IL20RB: variants seen among roughly 807,000 people sequenced by gnomAD.
IL20RB encodes interleukin 20 receptor subunit beta, also known as interleukin-20 receptor subunit beta.
IL20RB carries 21 observed loss-of-function variants against 33.3 expected under a neutral mutation model. The observed-to-expected ratio is 0.63, with a 90% CI of 0.45 to 0.91. IL20RB has a LOEUF of 0.91. IL20RB is among the 40% of genes least tolerant of loss of function. The pLI is 0.00. For missense variants in IL20RB, 345 were observed against 384.8 expected (o/e 0.90, Z 0.86); for synonymous variants, 147 against 146.8 (o/e 1.00, Z -0.01).
intron 1 of IL20RB, among the ~76,000 whole-genome samples, chr3:136,966,126 A>G (rs1393886869): frequency 1.4e-5 from 2 of 141,344 alleles, no homozygotes; most frequent in South Asian, 2.2e-4. Flanking sequence ...TTTTGCATCA[A>G]TGTTCATCAA....
intron 1 of IL20RB, among the ~76,000 whole-genome samples, chr3:136,971,251 C>A (rs796737373): frequency 2.8e-4 from 43 of 152,286 alleles, no homozygotes; most frequent in African/African-American, 9.6e-4. Flanking sequence ...CCGCCTCAGC[C>A]TCCCAAGTAG....
At chr3:136,992,842 C>T (rs370349198) in intron 5 of IL20RB, among the ~76,000 whole-genome samples, 1 of 152,136 alleles carries the variant, frequency 6.6e-6, no homozygotes, top group African/African-American at 2.4e-5. Context: ...GCTGAGATTA[C>T]AGGTGTGAGC....
intron 1 of IL20RB, among the ~76,000 whole-genome samples, chr3:136,962,480 G>A (rs191362240): frequency 1.5e-4 from 23 of 152,280 alleles, no homozygotes; most frequent in African/African-American, 5.5e-4. Context: ...TCGGCCAGGC[G>A]TGGTGGCTCA....
At chr3:136,995,377 G>C in intron 5 of IL20RB, 37 bp from the exon 6 acceptor site, 1 of 1,610,004 alleles carries the variant, frequency 6.2e-7, no homozygotes. Context: ...AATCTTTGCT[G>C]CTGTTTTCTA....
At chr3:136,982,053 T>C in intron 2 of IL20RB, 107 bp from the exon 3 acceptor site, 1 of 703,642 alleles carries the variant, frequency 1.4e-6, no homozygotes, top group Non-Finnish European at 2.3e-6. Flanking sequence ...AAAGTACTTA[T>C]TTTACTTACC....
chr3:136,973,431 C>G (rs966727792), intron 1 of IL20RB, among the ~76,000 whole-genome samples: 1 of 151,462 alleles, frequency 6.6e-6, no homozygotes, highest in Admixed American at 6.6e-5. Flanking sequence ...GCGGAGGTTG[C>G]AGTGAATCTC....
intron 4 of IL20RB, among the ~76,000 whole-genome samples, chr3:136,991,038 A>C (rs931364836): frequency 6.6e-6 from 1 of 152,204 alleles, no homozygotes; most frequent in Non-Finnish European, 1.5e-5. Flanking sequence ...GGCTTGGTCC[A>C]GGCAAGCCTC....
At chr3:136,960,545 A>G (rs891456864) in intron 1 of IL20RB, among the ~76,000 whole-genome samples, 1 of 152,228 alleles carries the variant, frequency 6.6e-6, no homozygotes, top group African/African-American at 2.4e-5. Context: ...TAATAATCAC[A>G]ATGACAATCA....
chr3:136,976,709 C>G (rs1440446075), intron 1 of IL20RB, among the ~76,000 whole-genome samples: 1 of 152,214 alleles, frequency 6.6e-6, no homozygotes, highest in Non-Finnish European at 1.5e-5. Flanking sequence ...CTGAGTTTCC[C>G]TAATGCTTCA....
intron 6 of IL20RB, among the ~76,000 whole-genome samples, chr3:136,999,862 G>A (rs1942206407): frequency 6.6e-6 from 1 of 151,888 alleles, no homozygotes; most frequent in South Asian, 2.1e-4. Context: ...AATATTCTCT[G>A]CTGAGATTTT....
chr3:136,960,521 T>C (rs1307309902), intron 1 of IL20RB, among the ~76,000 whole-genome samples: 1 of 152,214 alleles, frequency 6.6e-6, no homozygotes, highest in African/African-American at 2.4e-5. Context: ...GAAAGCTGAT[T>C]ATGCTACCAA....
chr3:137,004,232 G>T (rs1158081433), intron 6 of IL20RB, among the ~76,000 whole-genome samples: 1 of 152,008 alleles, frequency 6.6e-6, no homozygotes, highest in African/African-American at 2.4e-5. Flanking sequence ...TCTTTTTTGT[G>T]TGTATGTCTC....
At chr3:136,980,430 C>A (rs1941741527) in intron 1 of IL20RB, 36 bp from the exon 2 acceptor site, 1 of 1,613,898 alleles carries the variant, frequency 6.2e-7, no homozygotes. Context: ...CCACTATGAG[C>A]CCACCTGTCA....
At chr3:136,974,880 G>A (rs552070604) in intron 1 of IL20RB, among the ~76,000 whole-genome samples, 1 of 152,202 alleles carries the variant, frequency 6.6e-6, no homozygotes, top group South Asian at 2.1e-4. Flanking sequence ...TCTCCTGCTC[G>A]ATCTAGTCTA....
In IL20RB at chr3:137,002,386, C is replaced by T. The variant is rs1942263661; in HGVS notation, c.825+6830C>T. ...CAATGGTTGAACTAATTTACACTCC[C>T]ACCAACAGTGTAAAAGTGTTCCTAT... On this transcript the variant is annotated intron_variant, in intron 6 of 6. Coordinates refer to ENST00000329582, the MANE Select transcript of IL20RB (RefSeq NM_144717.4). 2.0e-5 allele frequency among the ~76,000 whole-genome samples: 3 copies of T among 152,176 alleles called. No homozygotes were observed. The South Asian group carries it at 6.2e-4, about 32-fold the overall frequency.
chr3:136,963,310 G>C (rs1353457582), intron 1 of IL20RB, among the ~76,000 whole-genome samples: 1 of 152,190 alleles, frequency 6.6e-6, no homozygotes, highest in Non-Finnish European at 1.5e-5. Flanking sequence ...AAATGCTGAA[G>C]AGTGTAATTG....
chr3:136,995,305 C>A, intron 5 of IL20RB, 109 bp from the exon 6 acceptor site: 1 of 1,248,852 alleles, frequency 8.0e-7, no homozygotes, highest in Non-Finnish European at 1.1e-6. Context: ...TGTTATCTGC[C>A]GTCTTAGCCA....
rs533276702 is a variant in IL20RB, at chr3:136,973,857, A to G, written c.89-6609A>G. 5.3e-5 allele frequency among the ~76,000 whole-genome samples: 8 copies of G among 152,204 alleles called. No individual in the cohort carries two copies. In the South Asian group the frequency reaches 1.5e-3, roughly 28 times the overall value. On this transcript the variant is annotated intron_variant, in intron 1 of 6. Transcript: ENST00000329582. ...TTTAATTGCTTTTGACTTGAAGTCTATCTTATTTGATATAAGTATAGCTAC... is the reference window on the plus strand; with the variant it reads ...TTTAATTGCTTTTGACTTGAAGTCTGTCTTATTTGATATAAGTATAGCTAC...
At chr3:137,007,921 C>T (rs1176142714) in intron 6 of IL20RB, among the ~76,000 whole-genome samples, 2 of 152,102 alleles carry the variant, frequency 1.3e-5, no homozygotes, top group African/African-American at 4.8e-5. Flanking sequence ...CATCTTGGAA[C>T]GCAATCCCAC....
Sources: gnomAD v4.1 joint callset for allele counts (sites outside exome capture counted in the v4.1 genomes callset) on GRCh38, gnomAD v4.1.1 for gene constraint, MANE v1.5 for transcripts, NCBI Gene and HGNC (gene_info 2026-07-23, HGNC 2026-07-21) for gene names.